Variants in CDK14 observed in about 807,000 individuals in gnomAD.
CDK14 encodes the protein cyclin dependent kinase 14.
In CDK14, 34 loss-of-function variants were observed where a neutral mutation model predicts 60.7. The ratio of observed to expected loss-of-function variants is 0.56; its 90% CI spans 0.43 to 0.75. The LOEUF (loss-of-function observed/expected upper bound fraction) is 0.75. Among genes scored for constraint, CDK14 ranks in the 30% least tolerant of loss-of-function variants. The pLI, the probability that CDK14 is intolerant of heterozygous loss-of-function variation, is 0.00. For missense variants in CDK14, 482 were observed against 564.1 expected (o/e 0.85, Z 1.47); for synonymous variants, 197 against 203.7 (o/e 0.97, Z 0.28).
chr7:90,719,630 C>A (rs547800799), intron 2 of CDK14, among the ~76,000 whole-genome samples: 1 of 152,196 alleles, frequency 6.6e-6, no homozygotes, highest in South Asian at 2.1e-4. Flanking sequence ...AATGAGTAGA[C>A]CAAATTAATC....
At chr7:91,034,874 A>T (rs1796869144) in intron 10 of CDK14, among the ~76,000 whole-genome samples, 1 of 152,068 alleles carries the variant, frequency 6.6e-6, no homozygotes, top group Admixed American at 6.5e-5. Flanking sequence ...CTAGGGAATG[A>T]TGGAAGAAAG....
intron 3 of CDK14, among the ~76,000 whole-genome samples, chr7:90,732,130 G>A (rs1802890925): frequency 6.6e-6 from 1 of 152,126 alleles, no homozygotes; most frequent in Non-Finnish European, 1.5e-5. Context: ...CCGTTTATGT[G>A]ATGGATTACA....
intron 11 of CDK14, among the ~76,000 whole-genome samples, chr7:91,055,758 G>T (rs1015457196): frequency 6.6e-6 from 1 of 152,154 alleles, no homozygotes; most frequent in African/African-American, 2.4e-5. Context: ...TCATATTGAA[G>T]AAAAGAATTT....
At chr7:90,899,392 T>C in intron 7 of CDK14, 39 bp downstream of exon 7, 5 of 1,480,694 alleles carry the variant, frequency 3.4e-6, no homozygotes, top group Non-Finnish European at 4.6e-6. Flanking sequence ...TTAGCATTCT[T>C]GATGTGTATT....
intron 14 of CDK14, among the ~76,000 whole-genome samples, chr7:91,204,168 A>G (rs778617986): frequency 7.2e-5 from 11 of 152,230 alleles, no homozygotes; most frequent in Non-Finnish European, 1.6e-4. Context: ...TGTGGTATCC[A>G]TTTACCCCCA....
At chr7:91,098,000 G>A (rs1480959739) in intron 12 of CDK14, among the ~76,000 whole-genome samples, 1 of 152,180 alleles carries the variant, frequency 6.6e-6, no homozygotes, top group African/African-American at 2.4e-5. Context: ...AGGCAGATAG[G>A]AAACTCCTTG....
intron 10 of CDK14, among the ~76,000 whole-genome samples, chr7:91,031,862 A>G (rs1372931755): frequency 6.6e-6 from 1 of 152,250 alleles, no homozygotes; most frequent in East Asian, 1.9e-4. Flanking sequence ...AAGTATGTCC[A>G]GTAGGTCAGC....
chr7:90,736,188 A>G (rs1246448148), intron 3 of CDK14, among the ~76,000 whole-genome samples: 1 of 151,800 alleles, frequency 6.6e-6, no homozygotes, highest in Non-Finnish European at 1.5e-5. Context: ...TGAACCGGGT[A>G]CCTCAGTTGG....
intron 4 of CDK14, among the ~76,000 whole-genome samples, chr7:90,757,494 T>C (rs1456448012): frequency 1.3e-5 from 2 of 152,170 alleles, no homozygotes; most frequent in African/African-American, 4.8e-5. Context: ...AGTGTTGTTC[T>C]TTTTCTGCCT....
chr7:91,049,429 C>T (rs563678908), intron 11 of CDK14, among the ~76,000 whole-genome samples: 1 of 152,254 alleles, frequency 6.6e-6, no homozygotes, highest in South Asian at 2.1e-4. Flanking sequence ...GTTATTTTGG[C>T]CAGGCCAGTC....
intron 5 of CDK14, among the ~76,000 whole-genome samples, chr7:90,808,932 A>G (rs7794900): frequency 0.013 from 1,961 of 152,334 alleles, 58 homozygotes; most frequent in African/African-American, 0.045. Context: ...TATCCTAAAT[A>G]TATATGCACC....
chr7:90,736,527 T>C (rs541506048), intron 3 of CDK14, among the ~76,000 whole-genome samples: 50 of 152,124 alleles, frequency 3.3e-4, no homozygotes, highest in African/African-American at 1.1e-3. Flanking sequence ...GGGAGCCTTA[T>C]AGACACGGGT....
intron 5 of CDK14, among the ~76,000 whole-genome samples, chr7:90,825,789 A>G (rs1437543661): frequency 1.3e-5 from 2 of 152,144 alleles, no homozygotes; most frequent in Non-Finnish European, 2.9e-5. Flanking sequence ...CTGACCAACA[A>G]TTTCTGTATC....
chr7:90,789,141 TGTA>T (rs955016307), intron 4 of CDK14, among the ~76,000 whole-genome samples: 10 of 152,204 alleles, frequency 6.6e-5, no homozygotes, highest in African/African-American at 2.4e-4. Flanking sequence ...ATTACATCAT[TGTA>T]GTAGCAAAAT....
chr7:90,633,924 G>T (rs565590819), intron 2 of CDK14, among the ~76,000 whole-genome samples: 5 of 152,194 alleles, frequency 3.3e-5, no homozygotes, highest in Admixed American at 1.3e-4. Context: ...ATTATGTTGT[G>T]AATATATTTG....
At position 90,984,212 on chromosome 7, in the gene CDK14, A is replaced by T. The variant is rs751060584; in HGVS notation, c.1012A>T (p.Ile338Phe). 7.7e-5 allele frequency: 124 copies of T among 1,612,306 alleles called. No individual in the cohort carries two copies. Among genetic ancestry groups the T allele is most frequent in the Non-Finnish European group, 1.0e-4 (122 of 1,178,472 alleles). ...GVAAFPGMKD[I>F]QDQLERIFLV... ...TGCTGCTTTTCCAGGAATGAAAGAC[A>T]TTCAGGATCAACTTGAACGAATATT... Residue 338 changes from isoleucine to phenylalanine, a missense_variant, in exon 10 of 15, where the codon ATT becomes TTT. Ile to Phe is a conservative substitution (Grantham distance 21). Transcript: ENST00000380050.
At chr7:91,051,433 C>T (rs941850609) in intron 11 of CDK14, among the ~76,000 whole-genome samples, 2 of 152,156 alleles carry the variant, frequency 1.3e-5, no homozygotes, top group Admixed American at 1.3e-4. Flanking sequence ...TGATTACCTT[C>T]CTGTTTCTTT....
intron 8 of CDK14, among the ~76,000 whole-genome samples, chr7:90,940,734 T>G (rs894146486): frequency 6.6e-6 from 1 of 152,008 alleles, no homozygotes; most frequent in East Asian, 1.9e-4. Context: ...TGCAGTGAGC[T>G]GTGATTGTGC....
intron 1 of CDK14, among the ~76,000 whole-genome samples, chr7:90,601,745 G>T (rs1799317105): frequency 1.3e-5 from 2 of 152,128 alleles, no homozygotes; most frequent in South Asian, 2.1e-4. Flanking sequence ...TTCCCTAAGG[G>T]ATAGTATCTT....
Sources: gnomAD v4.1 joint callset for allele counts (sites outside exome capture counted in the v4.1 genomes callset) on GRCh38, gnomAD v4.1.1 for gene constraint, MANE v1.5 for transcripts, NCBI Gene and HGNC (gene_info 2026-07-23, HGNC 2026-07-21) for gene names.